The following LINGO2 variants were observed in gnomAD, a reference collection of about 807,000 sequenced individuals.
LINGO2 encodes leucine-rich repeat and immunoglobulin-like domain-containing nogo receptor-interacting protein 2.
Under a neutral mutation model 30.6 loss-of-function variants are expected in LINGO2, and 14 were observed. The ratio of observed to expected loss-of-function variants is 0.46; its 90% CI spans 0.30 to 0.72. The LOEUF (loss-of-function observed/expected upper bound fraction) is 0.72, where lower values mean the gene tolerates loss of function less well. Ranked by LOEUF, LINGO2 falls within the 30% of genes least tolerant of loss-of-function variation. The pLI, the probability that LINGO2 is intolerant of heterozygous loss-of-function variation, is 0.07. For synonymous variants in LINGO2, 317 were observed against 288.5 expected, an observed-to-expected ratio of 1.10 and a Z score of -1.00; for missense variants, 729 against 751.7, an observed-to-expected ratio of 0.97 and a Z score of 0.35.
the LINGO2 span, among the ~76,000 whole-genome samples, chr9:29,063,620 G>A: frequency 5.3e-5 from 8 of 151,924 alleles, no homozygotes; most frequent in South Asian, 1.0e-3. Context: ...GGCTGGTCTC[G>A]AATATCTGAC....
intron 1 of LINGO2, among the ~76,000 whole-genome samples, chr9:28,594,156 A>G (rs1202282074): frequency 6.6e-6 from 1 of 152,118 alleles, no homozygotes; most frequent in Non-Finnish European, 1.5e-5. Flanking sequence ...TCAATTTCAT[A>G]GTCTAAACTA....
chr9:28,506,891 C>T (rs1820161629), intron 1 of LINGO2, among the ~76,000 whole-genome samples: 1 of 151,954 alleles, frequency 6.6e-6, no homozygotes, highest in Non-Finnish European at 1.5e-5. Flanking sequence ...ATCTTCTCTA[C>T]AGCCATTAGG....
chr9:29,162,320 T>C, the LINGO2 span, among the ~76,000 whole-genome samples: 1 of 152,194 alleles, frequency 6.6e-6, no homozygotes. Context: ...GTGATTAATA[T>C]AAAAATGAAT....
At chr9:28,265,381 G>C (rs1462798107) in intron 4 of LINGO2, among the ~76,000 whole-genome samples, 1 of 151,824 alleles carries the variant, frequency 6.6e-6, no homozygotes, top group Non-Finnish European at 1.5e-5. Context: ...CCTCCTGTTA[G>C]TCAGAATTCT....
chr9:28,722,785 A>C, the LINGO2 span, among the ~76,000 whole-genome samples: 1 of 152,160 alleles, frequency 6.6e-6, no homozygotes, highest in Non-Finnish European at 1.5e-5. Flanking sequence ...TAATCCCAGT[A>C]GTACGGGGCC....
chr9:28,886,083 G>T, the LINGO2 span, among the ~76,000 whole-genome samples: 2 of 152,032 alleles, frequency 1.3e-5, no homozygotes, highest in African/African-American at 2.4e-5. Flanking sequence ...CAAATAAATA[G>T]AATAACCTAG....
At chr9:28,091,389 T>C (rs1826081147) in intron 4 of LINGO2, among the ~76,000 whole-genome samples, 1 of 149,688 alleles carries the variant, frequency 6.7e-6, no homozygotes, top group Admixed American at 6.7e-5. Flanking sequence ...GGAACAGAAA[T>C]AATACCACAC....
chr9:28,848,550 T>A, the LINGO2 span, among the ~76,000 whole-genome samples: 13,967 of 149,744 alleles, frequency 0.093, 747 homozygotes, highest in African/African-American at 0.13. Flanking sequence ...TCAACTTTTC[T>A]GCTTGGTTTG....
At chr9:28,939,576 C>T in the LINGO2 span, among the ~76,000 whole-genome samples, 1 of 152,218 alleles carries the variant, frequency 6.6e-6, no homozygotes, top group South Asian at 2.1e-4. Context: ...CCTAATATCT[C>T]TGGAAGATGT....
At chr9:28,881,093 C>T in the LINGO2 span, among the ~76,000 whole-genome samples, 2 of 151,952 alleles carry the variant, frequency 1.3e-5, no homozygotes, top group African/African-American at 4.8e-5. Context: ...TGCTGAGTGC[C>T]GGTCCCCTGG....
At chr9:28,517,143 G>C (rs138500924) in intron 1 of LINGO2, among the ~76,000 whole-genome samples, 2 of 152,230 alleles carry the variant, frequency 1.3e-5, no homozygotes. Context: ...TCATTCATTC[G>C]TCTTCACTTA....
intron 4 of LINGO2, among the ~76,000 whole-genome samples, chr9:28,064,412 G>T (rs1157295920): frequency 6.6e-6 from 1 of 152,096 alleles, no homozygotes; most frequent in Non-Finnish European, 1.5e-5. Context: ...GACGAAGCCA[G>T]GCAGGTCTGC....
chr9:28,156,260 A>T (rs1828128397), intron 4 of LINGO2, among the ~76,000 whole-genome samples: 1 of 152,208 alleles, frequency 6.6e-6, no homozygotes, highest in South Asian at 2.1e-4. Flanking sequence ...CTAAACGTGA[A>T]TAAGATCAGA....
chr9:28,672,094 G>A (rs926121974), upstream of LINGO2, among the ~76,000 whole-genome samples: 1 of 152,008 alleles, frequency 6.6e-6, no homozygotes, highest in African/African-American at 2.4e-5. Flanking sequence ...GTCCTATTAG[G>A]TTCTGGAAAG....
chr9:29,157,479 A>G, the LINGO2 span, among the ~76,000 whole-genome samples: 1 of 152,210 alleles, frequency 6.6e-6, no homozygotes, highest in Non-Finnish European at 1.5e-5. Flanking sequence ...AAGGTATGGA[A>G]AGTCAAGAGT....
At chr9:28,319,140 G>A (rs974658098) in intron 3 of LINGO2, among the ~76,000 whole-genome samples, 1 of 131,204 alleles carries the variant, frequency 7.6e-6, no homozygotes, top group Admixed American at 7.6e-5. Flanking sequence ...CATTTAAAGA[G>A]TCAGGATCTA....
At chr9:29,183,702 T>C in the LINGO2 span, among the ~76,000 whole-genome samples, 1 of 152,104 alleles carries the variant, frequency 6.6e-6, no homozygotes, top group East Asian at 1.9e-4. Flanking sequence ...TGATCTCCTC[T>C]GCTGCTATTC....
chr9:29,154,101 T>C, the LINGO2 span, among the ~76,000 whole-genome samples: 2 of 152,168 alleles, frequency 1.3e-5, no homozygotes, highest in Non-Finnish European at 2.9e-5. Context: ...TTTTAGTTAA[T>C]AGTATTTCAG....
chr9:28,730,061 C>T, the LINGO2 span, among the ~76,000 whole-genome samples: 1 of 152,004 alleles, frequency 6.6e-6, no homozygotes, highest in East Asian at 1.9e-4. Context: ...ACTTGGATTT[C>T]TAACAATTAA....
Sources: allele counts gnomAD v4.1 joint callset (sites outside exome capture counted in the v4.1 genomes callset), GRCh38; gene constraint gnomAD v4.1.1; transcripts MANE v1.5; gene names NCBI Gene and HGNC (gene_info 2026-07-23, HGNC 2026-07-21).